Variants in ANGEL2 observed in about 807,000 individuals in gnomAD.
ANGEL2 encodes angel homolog 2.
ANGEL2 carries 41 observed loss-of-function variants against 66.0 expected under a neutral mutation model. The observed-to-expected ratio is 0.62, with a 90% CI of 0.48 to 0.81. The LOEUF is 0.81. Among genes scored for constraint, ANGEL2 ranks in the 30% least tolerant of loss-of-function variants. The pLI is 0.00. For missense variants in ANGEL2, 561 were observed against 641.6 expected (o/e 0.87, Z 1.36); for synonymous variants, 208 against 226.5 (o/e 0.92, Z 0.73).
intron 8 of ANGEL2, among the ~76,000 whole-genome samples, chr1:212,995,815 A>AGGAGGGGGGAACAAAC: frequency 1.3e-5 from 2 of 152,186 alleles, no homozygotes; most frequent in Non-Finnish European, 2.9e-5. Context: ...CCCAGAAGAA[A>AGGAGGGGGGAACAAAC]GGAGGGGGGA....
At chr1:212,998,668 CCCA>C (rs1339570306) in intron 7 of ANGEL2, among the ~76,000 whole-genome samples, 1 of 150,368 alleles carries the variant, frequency 6.7e-6, no homozygotes, top group Non-Finnish European at 1.5e-5. Flanking sequence ...ACTACAGGCG[CCCA>C]CCACCACACC....
Position 212,992,581 on chromosome 1 carries a change from A to C in ANGEL2, c.*2460T>G, listed in dbSNP as rs1412036542. On this transcript the variant is annotated 3_prime_UTR_variant, in exon 9 of 9. Coordinates refer to ENST00000366962, the MANE Select transcript of ANGEL2 (RefSeq NM_144567.5). ...GGATAATTATTTTTAGTGGAGCTTT[A>C]AAAACCTGTGAGAAGCTCACATTGA... 2 of 152,232 alleles carry C rather than the reference A, an allele frequency of 1.3e-5. No homozygotes were observed. The highest frequency in any genetic ancestry group is 4.8e-5 in the African/African-American group (2 of 41,450). 9.4% of individuals were successfully genotyped at this position (152,232 alleles called of 1,614,324 possible).
intron 5 of ANGEL2, chr1:213,001,602 T>C (rs922307662): frequency 6.6e-6 from 1 of 152,242 alleles, no homozygotes; most frequent in Non-Finnish European, 1.5e-5. Flanking sequence ...GCTGCAGCCA[T>C]TGATGCTTCC....
At position 213,000,409 on chromosome 1, in the gene ANGEL2, A is replaced by C; in HGVS notation, c.1262-26T>G. ...CTGTAAGAATAGAGGAAAATATATT[A>C]ATGTTATTGTTCTAGTTTGCCTTAA... is the stretch of plus-strand genomic sequence containing the variant. On this transcript the variant is annotated intron_variant, in intron 6 of 8. Coordinates refer to ENST00000366962, the MANE Select transcript of ANGEL2 (RefSeq NM_144567.5). The C allele has an allele frequency of 1.9e-6, 3 of 1,592,136 alleles. No individual in the cohort carries two copies. In the South Asian group the frequency reaches 3.3e-5, roughly 18 times the overall value.
rs758094135 is a variant in ANGEL2 at position 212,997,422 on chromosome 1, A to G, written c.1320-104T>C. 118 of 954,356 alleles carry G rather than the reference A, an allele frequency of 1.2e-4. No individual in the cohort carries two copies. In the Middle Eastern group the frequency reaches 1.6e-3, roughly 13 times the overall value. The allele number at this position is 954,356 out of a possible 1,614,324, so 59.1% of individuals were successfully genotyped here. On this transcript the variant is annotated intron_variant, in intron 7 of 8. Transcript: ENST00000366962. ...CTTAATTTCTAGACTAAGACCAAAC[A>G]TTAGGACAAGCTTTATTTAAAAAGA...
At chr1:213,003,202 G>A (rs2076225398) in intron 5 of ANGEL2, among the ~76,000 whole-genome samples, 1 of 152,182 alleles carries the variant, frequency 6.6e-6, no homozygotes, top group African/African-American at 2.4e-5. Context: ...TCCTGTGGCT[G>A]GTTTGATCTT....
At chr1:213,014,507 A>AT (rs1358760395) in intron 1 of ANGEL2, among the ~76,000 whole-genome samples, 1 of 152,238 alleles carries the variant, frequency 6.6e-6, no homozygotes. Flanking sequence ...CTGCTTTGTG[A>AT]TAACTCTGAA....
Position 213,013,337 on chromosome 1 carries a change from C to A in ANGEL2, c.141G>T (p.Trp47Cys), listed in dbSNP as rs757257905. The A allele has an allele frequency of 9.9e-6, 16 of 1,614,010 alleles. No homozygotes were observed. Among genetic ancestry groups the A allele is most frequent in the Non-Finnish European group, 1.4e-5 (16 of 1,180,008 alleles). ...TPWENLQRCC[W>C]NRHISSCMRW... ...TCATACAACTAGAAATATGTCTGTT[C>A]CAGCAACACCTTTGCAGATTCTCCC... Residue 47 changes from tryptophan (W) to cysteine (C), a missense_variant, in exon 2 of 9, where the codon TGG becomes TGT. By Grantham distance (215) the Trp-to-Cys change is radical. Coordinates refer to ENST00000366962, the MANE Select transcript of ANGEL2 (RefSeq NM_144567.5).
intron 7 of ANGEL2, among the ~76,000 whole-genome samples, chr1:212,998,499 C>T (rs916088648): frequency 6.7e-6 from 1 of 149,866 alleles, no homozygotes; most frequent in African/African-American, 2.5e-5. Flanking sequence ...TCTGTATTTA[C>T]ATAAAGATAC....
At chr1:213,001,016 A>G in intron 5 of ANGEL2, 104 bp from the exon 6 acceptor site, 1 of 1,068,698 alleles carries the variant, frequency 9.4e-7, no homozygotes, top group Non-Finnish European at 1.3e-6. Context: ...GTGGTAAATT[A>G]TTACCCTTTA....
Position 213,000,878 on chromosome 1 carries a change from C to A in ANGEL2, c.1169G>T (p.Arg390Ile). 6.2e-7 allele frequency: 1 copy of A among 1,612,490 alleles called. No homozygotes were observed. Among genetic ancestry groups the A allele is most frequent in the Non-Finnish European group, 8.5e-7 (1 of 1,179,756 alleles). ...SGQEQSSRGQ[R>I]ILSIPIWPPN... ...GGGCCAAATTGGAATAGATAAAATT[C>A]TTTGTCCCCGTGAAGACTGTTCCTG... The change falls in exon 6 of 9, where the codon AGA becomes ATA. Residue 390 changes from arginine to isoleucine, a missense_variant. Coordinates refer to ENST00000366962, the MANE Select transcript of ANGEL2 (RefSeq NM_144567.5).
chr1:213,003,199 G>C (rs1188382850), intron 5 of ANGEL2, among the ~76,000 whole-genome samples: 1 of 152,148 alleles, frequency 6.6e-6, no homozygotes. Context: ...GAATCCTGTG[G>C]CTGGTTTGAT....
chr1:213,003,935 C>T (rs2076248403), intron 5 of ANGEL2, among the ~76,000 whole-genome samples: 1 of 152,164 alleles, frequency 6.6e-6, no homozygotes, highest in Non-Finnish European at 1.5e-5. Context: ...CATGGTGGCT[C>T]ACGCCTGTAA....
intron 5 of ANGEL2, chr1:213,002,283 C>A (rs985078089): frequency 6.6e-6 from 1 of 152,184 alleles, no homozygotes; most frequent in African/African-American, 2.4e-5. Context: ...TGACCAGGTG[C>A]CTTGTGAACG....
At position 213,005,415 on chromosome 1, in the gene ANGEL2, G is replaced by C; in HGVS notation, c.752C>G (p.Pro251Arg). The C allele has an allele frequency of 1.9e-6, 3 of 1,612,422 alleles. No individual in the cohort carries two copies. The highest frequency in any genetic ancestry group is 2.5e-6 in the Non-Finnish European group (3 of 1,179,038). Residue 251 changes from proline to arginine, a missense_variant, in exon 5 of 9, where the codon CCT becomes CGT. Transcript: ENST00000366962. ...TTTGAAGCAAATAGCACAGCCATCA[G>C]GTTTCCTTCCTGTCCGCATCTTATA... is the stretch of plus-strand genomic sequence containing the variant. ...CEYKMRTGRKPDGCAICFKHS... is the reference protein window; with the variant it reads ...CEYKMRTGRKRDGCAICFKHS...
intron 1 of ANGEL2, among the ~76,000 whole-genome samples, chr1:213,014,060 G>T (rs151211467): frequency 6.6e-6 from 1 of 152,224 alleles, no homozygotes; most frequent in Non-Finnish European, 1.5e-5. Context: ...TGGGGATGAC[G>T]TACTACGAAT....
intron 8 of ANGEL2, among the ~76,000 whole-genome samples, chr1:212,996,209 A>G (rs2075997295): frequency 6.6e-6 from 1 of 152,172 alleles, no homozygotes; most frequent in Admixed American, 6.5e-5. Context: ...CGGGAGGCTG[A>G]GGCAGGAGAA....
rs1218096022 is a variant in ANGEL2 at position 212,997,154 on chromosome 1, C to T, written c.1483+1G>A. 2 of 1,611,800 alleles carry T rather than the reference C, an allele frequency of 1.2e-6. No homozygotes were observed. Among genetic ancestry groups the T allele is most frequent in the African/African-American group, 1.3e-5 (1 of 74,884 alleles). On this transcript the variant is annotated splice_donor_variant, in intron 8 of 8. Coordinates refer to ENST00000366962, the MANE Select transcript of ANGEL2 (RefSeq NM_144567.5). LOFTEE classifies it high-confidence loss of function. ...AATTTAAGATTACATGCATTCCTTA[C>T]CTGGGTGCCCAGCAACATCTTCCTT...
rs1291948050 is a variant in ANGEL2, at chr1:213,015,800, G to A, written c.-129C>T. ...GTACCGACTCCAGTCCTGGCTGCAA[G>A]GCATGCTGGGAGGTGCAGTCTCGCC... On this transcript the variant is annotated 5_prime_UTR_variant, in exon 1 of 9. Coordinates refer to ENST00000366962, the MANE Select transcript of ANGEL2 (RefSeq NM_144567.5). The A allele has an allele frequency of 7.8e-7, 1 of 1,279,772 alleles. No individual in the cohort carries two copies. The highest frequency in any genetic ancestry group is 1.1e-6 in the Non-Finnish European group (1 of 909,154). The allele number at this position is 1,279,772 out of a possible 1,614,324, so 79.3% of individuals were successfully genotyped here.
Sources: allele counts gnomAD v4.1 joint callset (sites outside exome capture counted in the v4.1 genomes callset), GRCh38; gene constraint gnomAD v4.1.1; transcripts MANE v1.5; gene names NCBI Gene and HGNC (gene_info 2026-07-23, HGNC 2026-07-21).